Variants in PPP2R3B observed in about 807,000 individuals in gnomAD.
PPP2R3B encodes serine/threonine-protein phosphatase 2A regulatory subunit B'' subunit beta.
A neutral mutation model predicts 72.9 loss-of-function variants in PPP2R3B; 68 were observed. The observed-to-expected ratio is 0.93, with a 90% CI of 0.77 to 1.14. The LOEUF (loss-of-function observed/expected upper bound fraction) is 1.14, where lower values mean the gene tolerates loss of function less well. Among genes scored for constraint, PPP2R3B ranks in the 50% most tolerant of loss-of-function variants. The pLI is 0.00. For synonymous variants in PPP2R3B, 466 were observed against 375.8 expected (o/e 1.24, Z -2.78); for missense variants, 1,018 against 842.0 (o/e 1.21, Z -2.59).
intron 12 of PPP2R3B, chrX:337,668 C>T (rs2070927289): frequency 6.6e-6 from 1 of 152,308 alleles, no homozygotes; most frequent in Admixed American, 6.5e-5. Context: ...ATGGCCCCGA[C>T]AGTTCCACAC....
intron 2 of PPP2R3B, among the ~76,000 whole-genome samples, chrX:348,455 A>C (rs2071268490): frequency 6.6e-6 from 1 of 151,992 alleles, no homozygotes; most frequent in African/African-American, 2.4e-5. Context: ...GGGCGCCTGT[A>C]ATCCCAGCTA....
Position 361,315 on chromosome X carries a change from G to A in PPP2R3B, c.510+90C>T. 1.7e-5 allele frequency: 24 copies of A among 1,453,002 alleles called. No individual in the cohort carries two copies. In the South Asian group the frequency reaches 2.8e-4, roughly 17 times the overall value. 90.0% of individuals were successfully genotyped at this position (1,453,002 alleles called of 1,614,324 possible). A position where few individuals can be genotyped will look rare whatever the true frequency, so the allele number is the denominator to read the frequency against. The stretch of plus-strand genomic sequence containing the variant: ...GCCGTGCCGCCTCACTCACGCTCGT[G>A]TGACACGCACCCACCACGGCCGCTC... On this transcript the variant is annotated intron_variant, in intron 2 of 12. Transcript: ENST00000390665.
chrX:363,956 T>C (rs927398676), intron 1 of PPP2R3B, among the ~76,000 whole-genome samples: 6 of 152,234 alleles, frequency 3.9e-5, no homozygotes, highest in Admixed American at 3.3e-4. Context: ...CTGGACAGAA[T>C]AGTTGACAAA....
intron 5 of PPP2R3B, 120 bp from the exon 6 acceptor site, chrX:346,380 G>A (rs2071213628): frequency 1.0e-6 from 1 of 976,192 alleles, no homozygotes. Flanking sequence ...GGCCGCCAGG[G>A]CACAGGCGGG....
Position 358,774 on chromosome X carries a change from C to T in PPP2R3B, c.510+2631G>A, listed in dbSNP as rs765660652. ...CGCACATGAGAACCAGGCGCCGAGGCGGGGAAGCACCGCGGAGGGGGGGTG... is the reference window on the plus strand; with the variant it reads ...CGCACATGAGAACCAGGCGCCGAGGTGGGGAAGCACCGCGGAGGGGGGGTG... On this transcript the variant is annotated intron_variant, in intron 2 of 12. Transcript: ENST00000390665. 2.8e-5 allele frequency among the ~76,000 whole-genome samples: 4 copies of T among 141,180 alleles called. No homozygotes were observed. In the East Asian group the frequency reaches 8.3e-4, roughly 29 times the overall value. The allele number at this position is 141,180 out of a possible 152,430, so 92.6% of individuals were successfully genotyped here.
intron 1 of PPP2R3B, among the ~76,000 whole-genome samples, chrX:375,210 A>AC (rs1193108095): frequency 7.2e-5 from 11 of 152,014 alleles, no homozygotes; most frequent in Non-Finnish European, 2.9e-5. Context: ...TCGGCCTCTG[A>AC]CCCCCGGTAA....
At position 340,472 on chromosome X, in the gene PPP2R3B, ACCCTGGGCCGTCCCCCCT is replaced by A. The variant is rs1569377966; in HGVS notation, c.1351+275_1351+292del. 4.3e-4 allele frequency among the ~76,000 whole-genome samples: 22 copies of A among 50,938 alleles called. 1 individual carries two copies. The highest frequency in any genetic ancestry group is 0.016 in the Middle Eastern group (1 of 62). 33.4% of individuals were successfully genotyped at this position (50,938 alleles called of 152,430 possible). A position where few individuals can be genotyped will look rare whatever the true frequency, so the allele number is the denominator to read the frequency against. On this transcript the variant is annotated intron_variant, in intron 10 of 12. Transcript: ENST00000390665. ...CGTCCCCCCTCCCGTCTGTCCCCTC[ACCCTGGGCCGTCCCCCCT>A]CCCGTCCGTCCCCTCACCCTGGGCC...
Position 334,333 on chromosome X carries a change from GAGCGGCCCCGCGGCGGCGTTCTCGCGGGC to G in PPP2R3B, c.*5_*33del. On this transcript the variant is annotated 3_prime_UTR_variant, in exon 13 of 13. Transcript: ENST00000390665. ...CGGTGGCCCGGTGGTGGCACGTGGG[GAGCGGCCCCGCGGCGGCGTTCTCGCGGGC>G]GGCGTCACAGCGGCTCCAGGTCCTC... 2 of 1,452,230 alleles carry G rather than the reference GAGCGGCCCCGCGGCGGCGTTCTCGCGGGC, an allele frequency of 1.4e-6. No individual in the cohort carries two copies. Among genetic ancestry groups the G allele is most frequent in the Non-Finnish European group, 1.8e-6 (2 of 1,108,074 alleles). 90.0% of individuals were successfully genotyped at this position (1,452,230 alleles called of 1,614,324 possible).
chrX:386,704 GCCCGCGGCGCCCCCGGACGCCCGCGC>G lies in PPP2R3B; in HGVS notation c.-39_-14del. On this transcript the variant is annotated 5_prime_UTR_variant, in exon 1 of 13. Coordinates refer to ENST00000390665, the MANE Select transcript of PPP2R3B (RefSeq NM_013239.5). ...TGCCGGGCGGCATGGCGGGGGCTGG[GCCCGCGGCGCCCCCGGACGCCCGCGC>G]CCCGCCCCGCCCCGGGGGCTTCGGT... 2 of 1,258,940 alleles carry G rather than the reference GCCCGCGGCGCCCCCGGACGCCCGCGC, an allele frequency of 1.6e-6. No homozygotes were observed. Among genetic ancestry groups the G allele is most frequent in the South Asian group, 2.9e-5 (1 of 34,666 alleles). The allele number at this position is 1,258,940 out of a possible 1,614,324, so 78.0% of individuals were successfully genotyped here.
At chrX:338,571 C>T (rs1054513742) in intron 12 of PPP2R3B, 33 bp downstream of exon 12, 91 of 1,454,134 alleles carry the variant, frequency 6.3e-5, no homozygotes, top group Non-Finnish European at 8.1e-5. Context: ...TCCCACTGAC[C>T]CGTCCCCCCA....
Position 386,605 on chromosome X carries a change from C to A in PPP2R3B, c.87G>T (p.Gln29His). 1 of 1,450,212 alleles carries A rather than the reference C, an allele frequency of 6.9e-7. No individual in the cohort carries two copies. 89.8% of individuals were successfully genotyped at this position (1,450,212 alleles called of 1,614,324 possible). A position where few individuals can be genotyped will look rare whatever the true frequency, so the allele number is the denominator to read the frequency against. The change falls in exon 1 of 13, where the codon CAG becomes CAT. Residue 29 changes from glutamine (Q) to histidine (H), a missense_variant. Physicochemically the swap from Gln to His is conservative, Grantham distance 24 (BLOSUM62 0). Transcript: ENST00000390665. ...GGCGCAGGCAGTCCTGCAGCATCCG[C>A]TGCGTGCTGGCCTCGCTGAGCCAGT... is the stretch of plus-strand genomic sequence containing the variant. ...FLYWLSEAST[Q>H]RMLQDCLRRI...
At chrX:349,863 G>C (rs1005523173) in intron 2 of PPP2R3B, among the ~76,000 whole-genome samples, 1 of 152,172 alleles carries the variant, frequency 6.6e-6, no homozygotes, top group Admixed American at 6.5e-5. Flanking sequence ...AACGTGGTGA[G>C]GTGGACCTCA....
intron 2 of PPP2R3B, among the ~76,000 whole-genome samples, chrX:354,997 ACTGCAC>A (rs1227263993): frequency 6.6e-6 from 1 of 152,226 alleles, no homozygotes; most frequent in East Asian, 1.9e-4. Context: ...GCTCTCCAGC[ACTGCAC>A]TGGCAGGCCG....
intron 2 of PPP2R3B, among the ~76,000 whole-genome samples, chrX:350,361 C>A (rs1029027992): frequency 1.4e-4 from 21 of 152,318 alleles, no homozygotes; most frequent in Admixed American, 4.6e-4. Flanking sequence ...CACGTGCGCT[C>A]CCTGAAGGAA....
intron 2 of PPP2R3B, among the ~76,000 whole-genome samples, chrX:360,060 G>A (rs2071510191): frequency 6.6e-6 from 1 of 152,070 alleles, no homozygotes; most frequent in African/African-American, 2.4e-5. Flanking sequence ...CCAGACAAAG[G>A]ACTCACAAGA....
chrX:347,578 C>T lies in PPP2R3B; in HGVS notation c.614+12G>A, dbSNP rs1211684381. The T allele has an allele frequency of 1.3e-6, 2 of 1,566,232 alleles. No homozygotes were observed. The highest frequency in any genetic ancestry group is 1.2e-5 in the South Asian group (1 of 86,128). On this transcript the variant is annotated intron_variant, in intron 3 of 12. Transcript: ENST00000390665. ...CCTCCCGACACAGCCCCCTGCCCAG[C>T]CCAGGACTCACTTTCTCCACATGGC...
chrX:347,083 G>C, intron 4 of PPP2R3B, 151 bp downstream of exon 4: 1 of 944,066 alleles, frequency 1.1e-6, no homozygotes, highest in Non-Finnish European at 1.7e-6. Flanking sequence ...TGTAGACGCG[G>C]GCCCTCCCAT....
intron 1 of PPP2R3B, among the ~76,000 whole-genome samples, chrX:366,803 C>T (rs2071721009): frequency 1.6e-5 from 2 of 122,482 alleles, no homozygotes; most frequent in South Asian, 5.5e-4. Context: ...GCAGAGGTTG[C>T]AGTGAGCTGA....
chrX:358,808 G>C (rs1472647016), intron 2 of PPP2R3B, among the ~76,000 whole-genome samples: 1 of 151,724 alleles, frequency 6.6e-6, no homozygotes, highest in East Asian at 1.9e-4. Context: ...TGGCCGCTGT[G>C]GGGGGCGGCA....
Sources: allele counts gnomAD v4.1 joint callset (sites outside exome capture counted in the v4.1 genomes callset), GRCh38; gene constraint gnomAD v4.1.1; transcripts MANE v1.5; gene names NCBI Gene and HGNC (gene_info 2026-07-23, HGNC 2026-07-21).